The following STARD13 variants were observed in gnomAD, a reference collection of about 807,000 sequenced individuals.
STARD13 encodes the protein stAR-related lipid transfer protein 13.
In STARD13, 62 loss-of-function variants were observed where a neutral mutation model predicts 106.4. The observed-to-expected ratio is 0.58, with a 90% CI of 0.48 to 0.72. STARD13 has a LOEUF of 0.72. Ranked by LOEUF, STARD13 falls within the 30% of genes least tolerant of loss-of-function variation. The pLI is 0.00. For synonymous variants in STARD13, 565 were observed against 553.0 expected, an observed-to-expected ratio of 1.02 and a Z score of -0.31; for missense variants, 1,387 against 1,424.0, an observed-to-expected ratio of 0.97 and a Z score of 0.42.
chr13:33,157,500 G>T (rs2858816), intron 3 of STARD13, among the ~76,000 whole-genome samples: 64,669 of 151,862 alleles, frequency 0.43, 17,237 homozygotes, highest in Non-Finnish European at 0.58. Context: ...AAACCCCATC[G>T]CTAATAAAAA....
intron 1 of STARD13, among the ~76,000 whole-genome samples, chr13:33,207,175 G>A (rs1887464711): frequency 6.6e-6 from 1 of 152,216 alleles, no homozygotes; most frequent in Admixed American, 6.5e-5. Context: ...AGAGTATACA[G>A]TGCATGCTGA....
the STARD13 span, among the ~76,000 whole-genome samples, chr13:33,452,775 A>G: frequency 3.3e-5 from 5 of 152,350 alleles, no homozygotes; most frequent in African/African-American, 1.2e-4. Context: ...GGAGGCCTAG[A>G]CTGGGCACCT....
chr13:33,343,673 C>T (rs1265946548), downstream of STARD13, among the ~76,000 whole-genome samples: 4 of 150,970 alleles, frequency 2.6e-5, no homozygotes, highest in Non-Finnish European at 4.4e-5. Context: ...TCAAGACACA[C>T]TCCAAATCTG....
the STARD13 span, among the ~76,000 whole-genome samples, chr13:33,567,465 G>A: frequency 1.3e-5 from 2 of 148,234 alleles, no homozygotes; most frequent in African/African-American, 5.0e-5. Flanking sequence ...ATCATGTACA[G>A]TGAAATTTCA....
the STARD13 span, among the ~76,000 whole-genome samples, chr13:33,370,685 C>T: frequency 1.3e-5 from 2 of 149,730 alleles, no homozygotes; most frequent in Non-Finnish European, 3.0e-5. Context: ...GTGGCGCAAC[C>T]TTGGCTGACT....
chr13:33,263,470 G>A (rs184424651), intron 1 of STARD13, among the ~76,000 whole-genome samples: 41 of 152,304 alleles, frequency 2.7e-4, no homozygotes, highest in African/African-American at 9.6e-4. Context: ...TGGAAAACCA[G>A]GTTTGGGATA....
chr13:33,555,324 AG>A, the STARD13 span, among the ~76,000 whole-genome samples: 6 of 152,170 alleles, frequency 3.9e-5, no homozygotes, highest in African/African-American at 1.4e-4. Context: ...AAGCTTCTGC[AG>A]GGGAGAGGGC....
chr13:33,587,964 T>C, the STARD13 span, among the ~76,000 whole-genome samples: 1 of 152,186 alleles, frequency 6.6e-6, no homozygotes, highest in African/African-American at 2.4e-5. Context: ...CGTCTCCTTT[T>C]TTACCTTTTT....
the STARD13 span, among the ~76,000 whole-genome samples, chr13:33,500,484 C>T: frequency 2.0e-5 from 3 of 152,162 alleles, no homozygotes; most frequent in Non-Finnish European, 2.9e-5. Context: ...ATGCCTGTCT[C>T]ATATCATTTC....
the STARD13 span, among the ~76,000 whole-genome samples, chr13:33,571,196 C>T: frequency 6.6e-6 from 1 of 152,242 alleles, no homozygotes; most frequent in East Asian, 1.9e-4. Context: ...TCCATCACAA[C>T]GGATTTCAAT....
At chr13:33,525,583 A>G in the STARD13 span, among the ~76,000 whole-genome samples, 1 of 152,164 alleles carries the variant, frequency 6.6e-6, no homozygotes, top group African/African-American at 2.4e-5. Flanking sequence ...ATGAATTTTT[A>G]TCAAATTGAA....
chr13:33,288,050 A>C (rs946879192), upstream of STARD13, among the ~76,000 whole-genome samples: 1 of 152,048 alleles, frequency 6.6e-6, no homozygotes, highest in African/African-American at 2.4e-5. Flanking sequence ...AACAAGTGGA[A>C]TGATTCTTCC....
chr13:33,373,962 A>T, the STARD13 span, among the ~76,000 whole-genome samples: 1 of 152,206 alleles, frequency 6.6e-6, no homozygotes, highest in Non-Finnish European at 1.5e-5. Flanking sequence ...AATTGAAATC[A>T]GGGATTCAAA....
the STARD13 span, among the ~76,000 whole-genome samples, chr13:33,501,852 G>C: frequency 6.6e-6 from 1 of 152,118 alleles, no homozygotes; most frequent in African/African-American, 2.4e-5. Context: ...GATTGTCATG[G>C]CAATGCAGGC....
chr13:33,597,020 A>G, the STARD13 span, among the ~76,000 whole-genome samples: 1 of 152,206 alleles, frequency 6.6e-6, no homozygotes, highest in Non-Finnish European at 1.5e-5. Flanking sequence ...ATCTGTTGAT[A>G]TACTGATTTC....
chr13:33,632,348 T>C, the STARD13 span, among the ~76,000 whole-genome samples: 72 of 152,330 alleles, frequency 4.7e-4, 1 homozygote, highest in Non-Finnish European at 3.8e-4. Context: ...CAATATTTTA[T>C]GTAGAACCTT....
chr13:33,111,032 G>C, intron 10 of STARD13, 125 bp from the exon 11 acceptor site: 1 of 767,328 alleles, frequency 1.3e-6, no homozygotes. Context: ...CACGGCCAGA[G>C]ATGTTTTTCT....
At chr13:33,113,720 A>G (rs1184555578) in intron 8 of STARD13, among the ~76,000 whole-genome samples, 3 of 152,148 alleles carry the variant, frequency 2.0e-5, no homozygotes, top group Admixed American at 6.5e-5. Flanking sequence ...TCTCAGTGCC[A>G]TTACCCTTGA....
rs1269084287 is a variant in STARD13, at chr13:33,104,988, TAA to T, written c.*603_*604del. The T allele has an allele frequency of 1.3e-5, 2 of 152,916 alleles. No individual in the cohort carries two copies. The highest frequency in any genetic ancestry group is 4.8e-5 in the African/African-American group (2 of 41,472). The allele number at this position is 152,916 out of a possible 1,614,324, so 9.5% of individuals were successfully genotyped here. Reference sequence around the variant, plus strand: ...ATAGCAGAAACAAAGCGTTAACACATAAGTCTCCTTTAATGTTATTTTCCTTT... The same window carrying T: ...ATAGCAGAAACAAAGCGTTAACACATGTCTCCTTTAATGTTATTTTCCTTT... On this transcript the variant is annotated 3_prime_UTR_variant, in exon 14 of 14. Transcript: ENST00000336934.
Sources: allele counts gnomAD v4.1 joint callset (sites outside exome capture counted in the v4.1 genomes callset), GRCh38; gene constraint gnomAD v4.1.1; transcripts MANE v1.5; gene names NCBI Gene and HGNC (gene_info 2026-07-23, HGNC 2026-07-21).